CAMK1D: variants seen among roughly 807,000 people sequenced by gnomAD.
CAMK1D encodes calcium/calmodulin-dependent protein kinase type 1D.
Under a neutral mutation model 47.7 loss-of-function variants are expected in CAMK1D, and 9 were observed. The ratio of observed to expected loss-of-function variants is 0.19; its 90% CI spans 0.11 to 0.33. CAMK1D has a LOEUF of 0.33. Among genes scored for constraint, CAMK1D ranks in the 10% least tolerant of loss-of-function variants. The pLI is 1.00. For synonymous variants in CAMK1D, 184 were observed against 184.9 expected, an observed-to-expected ratio of 0.99 and a Z score of 0.04; for missense variants, 291 against 488.7, an observed-to-expected ratio of 0.60 and a Z score of 3.81.
intron 3 of CAMK1D, among the ~76,000 whole-genome samples, chr10:12,706,761 G>A (rs1055611053): frequency 2.1e-4 from 32 of 151,514 alleles, no homozygotes; most frequent in African/African-American, 7.5e-4. Context: ...AAAAAAGAAT[G>A]TAGAAAAGAT....
At chr10:12,744,302 G>T (rs993091637) in intron 3 of CAMK1D, among the ~76,000 whole-genome samples, 3 of 150,580 alleles carry the variant, frequency 2.0e-5, no homozygotes, top group African/African-American at 7.5e-5. Flanking sequence ...ACTGATTTTT[G>T]TATGAATGTG....
At position 12,598,754 on chromosome 10, in the gene CAMK1D, G is replaced by T. The variant is rs537415021; in HGVS notation, c.224+45398G>T. ...TGGTCCATTGAGCTTGTGTAGCCTG[G>T]AGGGGTAGAAGCAAAATTAAACGAA... On this transcript the variant is annotated intron_variant, in intron 2 of 10. Transcript: ENST00000619168. Among the ~76,000 whole-genome samples, 4 of 152,330 alleles carry T rather than the reference G, an allele frequency of 2.6e-5. No homozygotes were observed. The East Asian group carries it at 7.7e-4, about 29-fold the overall frequency.
intron 1 of CAMK1D, among the ~76,000 whole-genome samples, chr10:12,398,762 TC>T (rs1839064652): frequency 6.6e-6 from 1 of 151,884 alleles, no homozygotes; most frequent in African/African-American, 2.4e-5. Flanking sequence ...GAAATATATC[TC>T]CTAATAAAAA....
chr10:12,554,768 T>C (rs1836708709), intron 2 of CAMK1D, among the ~76,000 whole-genome samples: 1 of 152,026 alleles, frequency 6.6e-6, no homozygotes, highest in Non-Finnish European at 1.5e-5. Flanking sequence ...GGTCTTGAAC[T>C]CCTGGCCTCA....
chr10:12,400,972 C>T (rs1490955371), intron 1 of CAMK1D, among the ~76,000 whole-genome samples: 2 of 140,876 alleles, frequency 1.4e-5, no homozygotes, highest in East Asian at 4.0e-4. Context: ...GAAAAACAAA[C>T]AAAAAAGGAA....
At chr10:12,767,034 G>C (rs780534198) in intron 4 of CAMK1D, among the ~76,000 whole-genome samples, 165 of 152,264 alleles carry the variant, frequency 1.1e-3, no homozygotes, top group Non-Finnish European at 2.1e-3. Flanking sequence ...TCTCAGACCC[G>C]CTGAAGGGCA....
chr10:12,545,800 AAAAAAG>A (rs1179512555), intron 1 of CAMK1D, among the ~76,000 whole-genome samples: 2 of 152,036 alleles, frequency 1.3e-5, no homozygotes, highest in African/African-American at 2.4e-5. Context: ...ACTCCGTCTC[AAAAAAG>A]AAAAAGAAAA....
At chr10:12,540,928 T>TG (rs951930710) in intron 1 of CAMK1D, among the ~76,000 whole-genome samples, 6 of 151,860 alleles carry the variant, frequency 4.0e-5, no homozygotes, top group African/African-American at 1.2e-4. Context: ...ATAGGTTTTT[T>TG]TTTTTTTTTT....
At chr10:12,777,123 G>A (rs1249999081) in intron 5 of CAMK1D, among the ~76,000 whole-genome samples, 5 of 152,118 alleles carry the variant, frequency 3.3e-5, no homozygotes, top group Non-Finnish European at 7.4e-5. Flanking sequence ...ACCGGGATAG[G>A]CAATGAAGGA....
At chr10:12,432,563 A>G (rs977961916) in intron 1 of CAMK1D, among the ~76,000 whole-genome samples, 2 of 152,262 alleles carry the variant, frequency 1.3e-5, no homozygotes, top group Non-Finnish European at 2.9e-5. Flanking sequence ...TAATGTGTGA[A>G]TGAATGGGCA....
chr10:12,649,163 A>G (rs1839892461), intron 2 of CAMK1D, among the ~76,000 whole-genome samples: 2 of 152,268 alleles, frequency 1.3e-5, no homozygotes, highest in African/African-American at 2.4e-5. Context: ...TCCCACACCC[A>G]GCAACTCAAT....
chr10:12,590,284 C>T (rs992924371), intron 2 of CAMK1D, among the ~76,000 whole-genome samples: 2 of 152,146 alleles, frequency 1.3e-5, no homozygotes, highest in Non-Finnish European at 2.9e-5. Flanking sequence ...GTGGCACCAT[C>T]ATCGCCCACT....
chr10:12,444,028 C>T lies in CAMK1D; in HGVS notation c.92+94118C>T, dbSNP rs559024006. On this transcript the variant is annotated intron_variant, in intron 1 of 10. Coordinates refer to ENST00000619168, the MANE Select transcript of CAMK1D (RefSeq NM_153498.4). ...TAGACCATATAGGGTAACTTCCTGT[C>T]GTTACCATGGCATTTGTAATCTGTC... Among the ~76,000 whole-genome samples, 4 of 152,240 alleles carry T rather than the reference C, an allele frequency of 2.6e-5. No individual in the cohort carries two copies. In the South Asian group the frequency reaches 6.2e-4, roughly 24 times the overall value.
At chr10:12,543,491 A>G (rs1836264863) in intron 1 of CAMK1D, among the ~76,000 whole-genome samples, 3 of 152,280 alleles carry the variant, frequency 2.0e-5, no homozygotes, top group Admixed American at 6.5e-5. Flanking sequence ...TAGCCAGTGT[A>G]TCTCTGGGCT....
At position 12,423,465 on chromosome 10, in the gene CAMK1D, T is replaced by C. The variant is rs570496311; in HGVS notation, c.92+73555T>C. On this transcript the variant is annotated intron_variant, in intron 1 of 10. Coordinates refer to ENST00000619168, the MANE Select transcript of CAMK1D (RefSeq NM_153498.4). ...AGGAGGTTGAAGCTGCAGTGAGCTATGATCCTGTGACTACGCTCCAGCCCA... is the reference window on the plus strand; with the variant it reads ...AGGAGGTTGAAGCTGCAGTGAGCTACGATCCTGTGACTACGCTCCAGCCCA... Among the ~76,000 whole-genome samples the C allele has an allele frequency of 1.3e-3, 205 of 152,010 alleles. 5 individuals carry two copies. Among genetic ancestry groups the C allele is most frequent in the Non-Finnish European group, 1.2e-4 (8 of 67,980 alleles).
At chr10:12,732,442 A>G (rs1834928376) in intron 3 of CAMK1D, among the ~76,000 whole-genome samples, 1 of 152,130 alleles carries the variant, frequency 6.6e-6, no homozygotes, top group South Asian at 2.1e-4. Flanking sequence ...AGACATATCC[A>G]AGACTGGGAG....
At chr10:12,611,310 G>A (rs1191659383) in intron 2 of CAMK1D, among the ~76,000 whole-genome samples, 1 of 152,132 alleles carries the variant, frequency 6.6e-6, no homozygotes, top group Non-Finnish European at 1.5e-5. Context: ...AGGAAGGGAC[G>A]CAACAGAGGC....
intron 2 of CAMK1D, among the ~76,000 whole-genome samples, chr10:12,563,107 G>A (rs558929810): frequency 3.7e-4 from 57 of 152,240 alleles, no homozygotes; most frequent in Non-Finnish European, 6.2e-4. Flanking sequence ...CTGGAGACCC[G>A]GGAAAGCCAA....
chr10:12,546,392 G>A (rs1448717328), intron 1 of CAMK1D, among the ~76,000 whole-genome samples: 1 of 152,114 alleles, frequency 6.6e-6, no homozygotes, highest in African/African-American at 2.4e-5. Flanking sequence ...AAAGTAGACA[G>A]GTTTCTAGAC....
Sources: gnomAD v4.1 joint callset for allele counts (sites outside exome capture counted in the v4.1 genomes callset) on GRCh38, gnomAD v4.1.1 for gene constraint, MANE v1.5 for transcripts, NCBI Gene and HGNC (gene_info 2026-07-23, HGNC 2026-07-21) for gene names.